Variants in RDX observed in about 807,000 individuals in gnomAD.
The protein encoded by RDX is deafness, autosomal recessive 24.
Under a neutral mutation model 83.7 loss-of-function variants are expected in RDX, and 32 were observed. The ratio of observed to expected loss-of-function variants is 0.38; its 90% confidence interval spans 0.29 to 0.51. RDX has a LOEUF of 0.51. Among genes scored for constraint, RDX ranks in the 20% least tolerant of loss-of-function variants. The pLI, the probability that RDX is intolerant of heterozygous loss-of-function variation, is 0.87. For synonymous variants in RDX, 229 were observed against 222.7 expected (o/e 1.03, Z -0.25); for missense variants, 600 against 689.9 (o/e 0.87, Z 1.46).
At chr11:110,283,495 A>C (rs1860847899) in intron 1 of RDX, among the ~76,000 whole-genome samples, 1 of 152,222 alleles carries the variant, frequency 6.6e-6, no homozygotes, top group Non-Finnish European at 1.5e-5. Flanking sequence ...GAATTATTCT[A>C]AATAAGTAAA....
chr11:110,264,066 T>C lies in RDX; in HGVS notation c.361A>G (p.Thr121Ala), dbSNP rs1210684516. The C allele has an allele frequency of 6.2e-7, 1 of 1,613,502 alleles. No homozygotes were observed. The highest frequency in any genetic ancestry group is 8.5e-7 in the Non-Finnish European group (1 of 1,179,602). Residue 121 changes from threonine to alanine, a missense_variant, in exon 5 of 14, where the codon ACT (threonine) becomes GCT (alanine). Coordinates refer to ENST00000645495, the MANE Select transcript of RDX (RefSeq NM_002906.4). ...GCATAGGAAGCCAAAAGAACTGCAGTTTCTGGCGGGCAATATATCTCATCA... is the reference window on the plus strand; with the variant it reads ...GCATAGGAAGCCAAAAGAACTGCAGCTTCTGGCGGGCAATATATCTCATCA... The part of the protein sequence containing the change: ...LNDEIYCPPE[T>A]AVLLASYAVQ...
intron 10 of RDX, among the ~76,000 whole-genome samples, chr11:110,239,370 A>T (rs554340445): frequency 6.6e-6 from 1 of 152,312 alleles, no homozygotes; most frequent in South Asian, 2.1e-4. Flanking sequence ...CTATACAGCA[A>T]AAGAAACAAC....
chr11:110,238,161 A>T (rs1299101417), intron 10 of RDX, among the ~76,000 whole-genome samples: 1 of 152,230 alleles, frequency 6.6e-6, no homozygotes. Context: ...CAAGAAATTA[A>T]GATTGAAAAC....
At chr11:110,287,183 G>C (rs2134442832) in intron 1 of RDX, 1 of 152,164 alleles carries the variant, frequency 6.6e-6, no homozygotes, top group East Asian at 1.9e-4. Flanking sequence ...CTTGGGGCCG[G>C]GAGTTCAAAA....
At chr11:110,191,392 C>T (rs1863100774) in intron 15 of RDX, among the ~76,000 whole-genome samples, 1 of 152,200 alleles carries the variant, frequency 6.6e-6, no homozygotes, top group Non-Finnish European at 1.5e-5. Context: ...GGGATAAAAA[C>T]CTTCAACAGA....
At chr11:110,281,068 G>C (rs530649664) in intron 1 of RDX, among the ~76,000 whole-genome samples, 3 of 152,040 alleles carry the variant, frequency 2.0e-5, no homozygotes, top group African/African-American at 7.2e-5. Context: ...AGGAGGCTGA[G>C]GCAGGAGAAT....
chr11:110,253,895 TTAGA>T, intron 9 of RDX, 47 bp downstream of exon 9: 1 of 1,549,104 alleles, frequency 6.5e-7, no homozygotes, highest in East Asian at 2.2e-5. Context: ...GTCTTAAATT[TTAGA>T]TAGCCTACTC....
intron 5 of RDX, among the ~76,000 whole-genome samples, chr11:110,262,588 AAAG>A (rs1187685623): frequency 1.6e-5 from 1 of 61,554 alleles, no homozygotes; most frequent in Non-Finnish European, 3.3e-5. Context: ...ACTCCATCTC[AAAG>A]AAAAAAAAAA....
At chr11:110,200,018 G>A (rs971207626) in intron 14 of RDX, among the ~76,000 whole-genome samples, 28 of 152,278 alleles carry the variant, frequency 1.8e-4, no homozygotes, top group Admixed American at 1.7e-3. Flanking sequence ...AGTAGGTCTT[G>A]TCTTAAAGCC....
intron 3 of RDX, among the ~76,000 whole-genome samples, chr11:110,265,349 T>C (rs1233769178): frequency 1.3e-5 from 2 of 151,992 alleles, no homozygotes; most frequent in Non-Finnish European, 2.9e-5. Context: ...GCCTCGGCCT[T>C]CCAAAGTCTT....
Position 110,272,560 on chromosome 11 carries a change from T to C in RDX, c.72A>G (p.Thr24=), listed in dbSNP as rs148468207. ...CCTGGTCAAAAAGTTGTTTGCCAGTTGTATTGGGCTGAATGGCAAATTCCA... is the reference window on the plus strand; with the variant it reads ...CCTGGTCAAAAAGTTGTTTGCCAGTCGTATTGGGCTGAATGGCAAATTCCA... ...AELEFAIQPN[T]TGKQLFDQVV... is the part of the protein sequence containing the mutation. The change falls in exon 3 of 14, where the codon ACA becomes ACG. Residue 24 remains threonine, a synonymous_variant. Coordinates refer to ENST00000645495, the MANE Select transcript of RDX (RefSeq NM_002906.4). The C allele has an allele frequency of 5.0e-6, 8 of 1,611,962 alleles. No individual in the cohort carries two copies. The highest frequency in any genetic ancestry group is 6.8e-6 in the Non-Finnish European group (8 of 1,179,062).
Position 110,200,943 on chromosome 11 carries a change from C to T in RDX, c.1749-1265G>A, listed in dbSNP as rs190514851. On this transcript the variant is annotated intron_variant, in intron 14 of 15. Coordinates refer to the RDX transcript ENST00000528498. ...GAGTAATTCCAGCACTTTGGGAGGC[C>T]GAGGCAGAGATCACCTGAGGTCGGG... 4.7e-4 allele frequency among the ~76,000 whole-genome samples: 72 copies of T among 152,016 alleles called. No individual in the cohort carries two copies. The East Asian group carries it at 9.1e-3, about 19-fold the overall frequency.
At chr11:110,276,719 G>A (rs1860532933) in intron 2 of RDX, among the ~76,000 whole-genome samples, 1 of 152,120 alleles carries the variant, frequency 6.6e-6, no homozygotes, top group African/African-American at 2.4e-5. Context: ...TTACTCATTT[G>A]TTAGGTATTT....
chr11:110,283,130 A>C (rs1157366193), intron 1 of RDX, among the ~76,000 whole-genome samples: 2 of 152,220 alleles, frequency 1.3e-5, no homozygotes, highest in Non-Finnish European at 2.9e-5. Context: ...TTGTAAAATG[A>C]AAATGTAGAG....
intron 14 of RDX, among the ~76,000 whole-genome samples, chr11:110,202,076 G>A (rs1863430676): frequency 6.6e-6 from 1 of 151,840 alleles, no homozygotes. Context: ...CACTGCGCCC[G>A]GCCTAGTTTA....
At chr11:110,281,022 G>A (rs541888686) in intron 1 of RDX, among the ~76,000 whole-genome samples, 5 of 151,940 alleles carry the variant, frequency 3.3e-5, no homozygotes, top group Middle Eastern at 3.4e-3. Flanking sequence ...AAAATTAGCC[G>A]GGCATGATGG....
intron 14 of RDX, among the ~76,000 whole-genome samples, chr11:110,215,855 T>C (rs1864033585): frequency 6.6e-6 from 1 of 152,204 alleles, no homozygotes. Flanking sequence ...TAAAATGGAA[T>C]ACCTTCAAGG....
At chr11:110,186,781 C>T (rs922697800) in intron 15 of RDX, among the ~76,000 whole-genome samples, 2 of 152,162 alleles carry the variant, frequency 1.3e-5, no homozygotes, top group Non-Finnish European at 2.9e-5. Context: ...GGAAAAGTGG[C>T]AGATATTTTC....
chr11:110,242,434 CAAAAAATTTAAAAAA>C (rs1344974112), intron 10 of RDX, among the ~76,000 whole-genome samples: 1 of 106,638 alleles, frequency 9.4e-6, no homozygotes, highest in African/African-American at 3.6e-5. Context: ...GACTTTGTCT[CAAAAAATTTAAAAAA>C]AAAAAAATTA....
Sources: allele counts gnomAD v4.1 joint callset (sites outside exome capture counted in the v4.1 genomes callset), GRCh38; gene constraint gnomAD v4.1.1; transcripts MANE v1.5; gene names NCBI Gene and HGNC (gene_info 2026-07-23, HGNC 2026-07-21).